SLC43A2: variants seen among roughly 807,000 people sequenced by gnomAD.
The protein encoded by SLC43A2 is large neutral amino acids transporter small subunit 4.
A neutral mutation model predicts 63.2 loss-of-function variants in SLC43A2; 38 were observed. That is an observed-to-expected ratio of 0.60 (90% CI 0.46 to 0.79). SLC43A2 has a LOEUF of 0.79. Ranked by LOEUF, SLC43A2 falls within the 30% of genes least tolerant of loss-of-function variation. The pLI is 0.00. For synonymous variants in SLC43A2, 322 were observed against 331.0 expected (o/e 0.97, Z 0.30); for missense variants, 644 against 756.2 (o/e 0.85, Z 1.74).
intron 9 of SLC43A2, chr17:1,586,928 T>TGGCCCCCCCCCCCCCCCCCCCCCCCCCC: frequency 8.1e-7 from 1 of 1,232,912 alleles, no homozygotes; most frequent in Non-Finnish European, 1.1e-6. Context: ...TCCCTGACAA[T>TGGCCCCCCCCCCCCCCCCCCCCCCCCCC]CCCCCCCACC....
chr17:1,575,687 C>T lies in SLC43A2; in HGVS notation c.1627G>A (p.Glu543Lys), dbSNP rs762791206. Residue 543 changes from glutamate to lysine, a missense_variant, in exon 14 of 14, where the codon GAG (glutamate) becomes AAG (lysine). Glu to Lys is a moderately conservative substitution (Grantham distance 56). Coordinates refer to ENST00000301335, the MANE Select transcript of SLC43A2 (RefSeq NM_152346.3). ...TCCTGCCTCTGCTGCAGCTGCCGCT[C>T]CAGCTGGCGCCGGTAGCAGATCAGG... ...LYLICYRRQL[E>K]RQLQQRQEDD... 6.2e-7 allele frequency: 1 copy of T among 1,614,098 alleles called. No homozygotes were observed. The highest frequency in any genetic ancestry group is 1.1e-5 in the South Asian group (1 of 91,080).
In SLC43A2 at chr17:1,616,512, C is replaced by A. The variant is rs187145733; in HGVS notation, c.368+50G>T. The stretch of plus-strand genomic sequence containing the variant: ...GATACCCTTCTGTGGGGAACTCAGC[C>A]CAGGGGGTCCACCTGCCCACTCCCT... On this transcript the variant is annotated intron_variant, in intron 3 of 13. Coordinates refer to ENST00000301335, the MANE Select transcript of SLC43A2 (RefSeq NM_152346.3). 324 of 1,542,866 alleles carry A rather than the reference C, an allele frequency of 2.1e-4. 2 individuals carry two copies. The African/African-American group carries it at 3.7e-3, about 18-fold the overall frequency.
In SLC43A2 at chr17:1,627,247, C is replaced by A. The variant is rs527608454; in HGVS notation, c.160+468G>T. Among the ~76,000 whole-genome samples, 6 of 152,282 alleles carry A rather than the reference C, an allele frequency of 3.9e-5. No individual in the cohort carries two copies. In the East Asian group the frequency reaches 7.7e-4, roughly 20 times the overall value. On this transcript the variant is annotated intron_variant, in intron 2 of 13. Transcript: ENST00000301335. ...GGAGACTCCACAATGGCCTGAGGAA[C>A]GTCTAGATTCTAGATGAGCCCTCCC... is the stretch of plus-strand genomic sequence containing the variant.
intron 2 of SLC43A2, 45 bp downstream of exon 2, chr17:1,627,648 CCCCATCCCGCCCCCTCCCAAAG>C: frequency 7.7e-6 from 5 of 650,896 alleles, no homozygotes; most frequent in South Asian, 2.2e-5. Flanking sequence ...AGGTCTTCGC[CCCCATCCCGCCCCCTCCCAAAG>C]CCCCAGCTCC....
chr17:1,612,988 G>T (rs1907266742), intron 5 of SLC43A2, among the ~76,000 whole-genome samples: 1 of 151,246 alleles, frequency 6.6e-6, no homozygotes. Context: ...AAAAAAAAAG[G>T]CAAGGGATTG....
chr17:1,598,891 C>T (rs891749439), intron 5 of SLC43A2, among the ~76,000 whole-genome samples: 10 of 152,202 alleles, frequency 6.6e-5, no homozygotes, highest in South Asian at 2.1e-4. Context: ...TGCCTCTTGC[C>T]GCCTGGAACA....
chr17:1,593,111 C>T lies in SLC43A2; in HGVS notation c.594+76G>A, dbSNP rs148010028. The T allele has an allele frequency of 3.9e-4, 568 of 1,456,092 alleles. 2 individuals carry two copies. The African/African-American group carries it at 6.8e-3, about 17-fold the overall frequency. The allele number at this position is 1,456,092 out of a possible 1,614,324, so 90.2% of individuals were successfully genotyped here. A position where few individuals can be genotyped will look rare whatever the true frequency, so the allele number is the denominator to read the frequency against. ...GGCCACCCCGGGTGCCCACAATTGCCTCCCTCTTCAGAGAGGGTGGAAGGA... is the reference window on the plus strand; with the variant it reads ...GGCCACCCCGGGTGCCCACAATTGCTTCCCTCTTCAGAGAGGGTGGAAGGA... On this transcript the variant is annotated intron_variant, in intron 6 of 13. Transcript: ENST00000301335. The surrounding 1 kb of genome is among the most constrained non-coding windows in gnomAD (Gnocchi z 5.3).
chr17:1,620,963 C>T (rs1220702000), intron 2 of SLC43A2, among the ~76,000 whole-genome samples: 1 of 152,144 alleles, frequency 6.6e-6, no homozygotes, highest in African/African-American at 2.4e-5. Flanking sequence ...CTGCTCCTCA[C>T]CTGCACCTGT....
chr17:1,627,667 A>AAACCCCC, intron 2 of SLC43A2, 48 bp downstream of exon 2: 1 of 393,400 alleles, frequency 2.5e-6, no homozygotes, highest in Non-Finnish European at 3.4e-6. Context: ...GCCCCCTCCC[A>AAACCCCC]AAGCCCCAGC....
chr17:1,602,410 C>T (rs1906140428), intron 5 of SLC43A2, among the ~76,000 whole-genome samples: 3 of 152,256 alleles, frequency 2.0e-5, no homozygotes, highest in African/African-American at 7.2e-5. Context: ...CTTTCAGAGG[C>T]CGAGGCAAGC....
At chr17:1,608,408 T>C (rs759670040) in intron 5 of SLC43A2, among the ~76,000 whole-genome samples, 8 of 151,962 alleles carry the variant, frequency 5.3e-5, no homozygotes, top group Non-Finnish European at 1.0e-4. Context: ...TTGTTTTTTT[T>C]TTTAAGACGG....
In SLC43A2 at chr17:1,593,369, C is replaced by A; in HGVS notation, c.502-90G>T. On this transcript the variant is annotated intron_variant, in intron 5 of 13. Transcript: ENST00000301335. This position sits in a 1 kb window ranked among gnomAD's most constrained non-coding sequence, Gnocchi z 5.3. ...GACAGAGAACTAGGCCCCATGAGGC[C>A]CCTTCTTCACCTGCGCCCCTTCCTG... The A allele has an allele frequency of 8.9e-7, 1 of 1,125,428 alleles. No homozygotes were observed. 69.7% of individuals were successfully genotyped at this position (1,125,428 alleles called of 1,614,324 possible).
chr17:1,596,371 C>T (rs1905273975), intron 5 of SLC43A2, among the ~76,000 whole-genome samples: 1 of 151,744 alleles, frequency 6.6e-6, no homozygotes, highest in Non-Finnish European at 1.5e-5. Flanking sequence ...TGCCTGTCAT[C>T]CCAGCACTTT....
chr17:1,624,802 C>T (rs376728347), intron 2 of SLC43A2, among the ~76,000 whole-genome samples: 22 of 151,958 alleles, frequency 1.4e-4, no homozygotes, highest in Admixed American at 4.6e-4. Context: ...GAGGCTGAGG[C>T]GGGAGGATTG....
At chr17:1,603,953 C>A (rs562905800) in intron 5 of SLC43A2, among the ~76,000 whole-genome samples, 38 of 152,236 alleles carry the variant, frequency 2.5e-4, no homozygotes, top group Non-Finnish European at 4.3e-4. Context: ...CCGGCCAATA[C>A]ACACTTCAGT....
In SLC43A2 at chr17:1,627,742, A is replaced by G; in HGVS notation, c.133T>C (p.Phe45Leu). The part of the protein sequence containing the change: ...SLLIMLKSEG[F>L]YSYLCTEPEN... ...GGCTCGGTACACAGGTAGGAGTAAA[A>G]GCCCTCTGACTTGAGCATGATGAGC... Residue 45 changes from phenylalanine (F) to leucine (L), a missense_variant, in exon 2 of 14, where the codon TTT becomes CTT. Physicochemically the swap from Phe to Leu is conservative, Grantham distance 22 (BLOSUM62 0). Coordinates refer to ENST00000301335, the MANE Select transcript of SLC43A2 (RefSeq NM_152346.3). The G allele has an allele frequency of 6.3e-7, 1 of 1,592,834 alleles. No individual in the cohort carries two copies. Among genetic ancestry groups the G allele is most frequent in the Admixed American group, 1.8e-5 (1 of 56,962 alleles).
At chr17:1,589,077 G>C (rs578221615) in intron 9 of SLC43A2, among the ~76,000 whole-genome samples, 2 of 152,354 alleles carry the variant, frequency 1.3e-5, no homozygotes, top group South Asian at 2.1e-4. Context: ...AAGGAGGAGG[G>C]GGAAAACCAG....
chr17:1,592,430 C>G (rs893198593), intron 6 of SLC43A2, among the ~76,000 whole-genome samples: 3 of 152,016 alleles, frequency 2.0e-5, no homozygotes, highest in Non-Finnish European at 4.4e-5. Context: ...CTGTTCCCCC[C>G]CAAAAAAAGG....
rs2075911322 is a variant in SLC43A2 at position 1,575,554 on chromosome 17, G to T, written c.*50C>A. On this transcript the variant is annotated 3_prime_UTR_variant, in exon 14 of 14. Coordinates refer to ENST00000301335, the MANE Select transcript of SLC43A2 (RefSeq NM_152346.3). Reference sequence around the variant, plus strand: ...GGTACTCTGGAGGGGCAGGACAGGGGTCAGTCACTGAAGCACAGGCAGGAG... The same window carrying T: ...GGTACTCTGGAGGGGCAGGACAGGGTTCAGTCACTGAAGCACAGGCAGGAG... The T allele has an allele frequency of 6.2e-7, 1 of 1,612,040 alleles. No homozygotes were observed. Among genetic ancestry groups the T allele is most frequent in the East Asian group, 2.2e-5 (1 of 44,868 alleles).
Sources: allele counts gnomAD v4.1 joint callset (sites outside exome capture counted in the v4.1 genomes callset), GRCh38; gene constraint gnomAD v4.1.1; non-coding constraint Gnocchi (gnomAD v3.1); transcripts MANE v1.5; gene names NCBI Gene and HGNC (gene_info 2026-07-23, HGNC 2026-07-21).